NOL4: variants seen among roughly 807,000 people sequenced by gnomAD.
NOL4 encodes the protein cancer/testis antigen 125.
NOL4 carries 17 observed loss-of-function variants against 75.9 expected under a neutral mutation model. That is an observed-to-expected ratio of 0.22 (90% CI 0.15 to 0.34). The LOEUF is 0.34. Among genes scored for constraint, NOL4 ranks in the 10% least tolerant of loss-of-function variants. The pLI, the probability that NOL4 is intolerant of heterozygous loss-of-function variation, is 1.00. For synonymous variants in NOL4, 292 were observed against 289.9 expected (o/e 1.01, Z -0.07); for missense variants, 614 against 793.5 (o/e 0.77, Z 2.72).
chr18:33,872,106 T>C (rs1379380176), intron 10 of NOL4, among the ~76,000 whole-genome samples: 2 of 152,058 alleles, frequency 1.3e-5, no homozygotes, highest in Admixed American at 6.6e-5. Flanking sequence ...AATTAAATTA[T>C]AGGTCATTAT....
chr18:34,183,307 C>T (rs539435792), intron 1 of NOL4, among the ~76,000 whole-genome samples: 1 of 151,848 alleles, frequency 6.6e-6, no homozygotes, highest in Admixed American at 6.6e-5. Flanking sequence ...TTCAATAGCC[C>T]TATTCATGAG....
intron 1 of NOL4, among the ~76,000 whole-genome samples, chr18:34,207,671 G>T (rs942988767): frequency 6.6e-6 from 1 of 152,074 alleles, no homozygotes; most frequent in Non-Finnish European, 1.5e-5. Context: ...TTTTTCTGAT[G>T]TTTCTTGCCT....
intron 1 of NOL4, among the ~76,000 whole-genome samples, chr18:34,218,223 A>C (rs2037050759): frequency 6.6e-6 from 1 of 152,126 alleles, no homozygotes; most frequent in Non-Finnish European, 1.5e-5. Context: ...ATATGCCTGT[A>C]TTTTCTACTT....
intron 6 of NOL4, among the ~76,000 whole-genome samples, chr18:34,003,453 A>C (rs1048068939): frequency 6.6e-6 from 1 of 152,100 alleles, no homozygotes; most frequent in African/African-American, 2.4e-5. Context: ...CAAATCTAAC[A>C]CTTTGATTAT....
At chr18:33,969,991 G>A (rs549989750) in intron 6 of NOL4, among the ~76,000 whole-genome samples, 7 of 152,166 alleles carry the variant, frequency 4.6e-5, no homozygotes, top group African/African-American at 7.2e-5. Context: ...TTTGTCATGC[G>A]TTGAAATCGC....
rs1555673331 is a variant in NOL4, at chr18:33,958,270, C to A, written c.1205G>T (p.Gly402Val). Reference sequence around the variant, plus strand: ...AGCTTTCAGCCGCTCGGCTTCAACGCCGTCTGTCTCATTAACTTTCTCCGA... The same window carrying A: ...AGCTTTCAGCCGCTCGGCTTCAACGACGTCTGTCTCATTAACTTTCTCCGA... ...DDSEKVNETD[G>V]VEAERLKAFN... Residue 402 changes from glycine to valine, a missense_variant, in exon 7 of 11, where the codon GGC becomes GTC. Transcript: ENST00000261592. 6.2e-7 allele frequency: 1 copy of A among 1,613,712 alleles called. No homozygotes were observed. Among genetic ancestry groups the A allele is most frequent in the Non-Finnish European group, 8.5e-7 (1 of 1,179,720 alleles).
At chr18:33,879,349 A>G (rs1317782806) in intron 10 of NOL4, among the ~76,000 whole-genome samples, 1 of 152,070 alleles carries the variant, frequency 6.6e-6, no homozygotes, top group Non-Finnish European at 1.5e-5. Context: ...ACTTTTCACT[A>G]CCTGGAGATC....
At chr18:34,008,371 GTCTATCTATCTA>G (rs10656153) in intron 6 of NOL4, among the ~76,000 whole-genome samples, 236 of 147,682 alleles carry the variant, frequency 1.6e-3, no homozygotes, top group African/African-American at 4.5e-3. Flanking sequence ...CTATCTGTCT[GTCTATCTATCTA>G]TCTATCTATC....
chr18:34,114,933 T>G (rs1364156826), intron 2 of NOL4, among the ~76,000 whole-genome samples: 1 of 152,212 alleles, frequency 6.6e-6, no homozygotes, highest in East Asian at 1.9e-4. Flanking sequence ...AATTCAGTGT[T>G]TGTTAAACTA....
intron 1 of NOL4, among the ~76,000 whole-genome samples, chr18:34,174,936 AT>A (rs540088749): frequency 2.6e-3 from 390 of 152,204 alleles, no homozygotes; most frequent in African/African-American, 9.0e-3. Flanking sequence ...ACTGATGGAC[AT>A]TTGGGTTGGT....
intron 5 of NOL4, among the ~76,000 whole-genome samples, chr18:34,042,700 T>TC (rs2076192705): frequency 6.6e-6 from 1 of 152,004 alleles, no homozygotes; most frequent in African/African-American, 2.4e-5. Flanking sequence ...TTCCTTTAAT[T>TC]CCCCAAACAA....
chr18:33,871,377 T>G (rs887571146), intron 10 of NOL4, among the ~76,000 whole-genome samples: 3 of 151,912 alleles, frequency 2.0e-5, no homozygotes, highest in Admixed American at 6.6e-5. Flanking sequence ...ATGTGGACAA[T>G]GGCTGGCTCA....
intron 5 of NOL4, among the ~76,000 whole-genome samples, chr18:34,034,254 A>T (rs1456710105): frequency 6.6e-6 from 1 of 151,696 alleles, no homozygotes; most frequent in Non-Finnish European, 1.5e-5. Context: ...GCATGACAGG[A>T]ACAAAATCTC....
chr18:33,854,006 G>A (rs1206306621), intron 10 of NOL4, among the ~76,000 whole-genome samples: 1 of 152,060 alleles, frequency 6.6e-6, no homozygotes, highest in African/African-American at 2.4e-5. Context: ...AGCATTTACT[G>A]TAGTTATTAA....
rs564986308 is a variant in NOL4 at position 34,050,722 on chromosome 18, T to C, written c.773-31121A>G. On this transcript the variant is annotated intron_variant, in intron 5 of 10. Coordinates refer to ENST00000261592, the MANE Select transcript of NOL4 (RefSeq NM_003787.5). ...ATTTTTCAACATAATATTCAGCAGA[T>C]CTGGTAAATTAAAACAATATGTTTG... Among the ~76,000 whole-genome samples, 4 of 152,234 alleles carry C rather than the reference T, an allele frequency of 2.6e-5. No individual in the cohort carries two copies. The South Asian group carries it at 6.2e-4, about 24-fold the overall frequency.
At chr18:33,920,138 G>A (rs1367348067) in intron 9 of NOL4, among the ~76,000 whole-genome samples, 1 of 151,984 alleles carries the variant, frequency 6.6e-6, no homozygotes, top group Admixed American at 6.6e-5. Flanking sequence ...TTGTATAAGA[G>A]TTTTTATATA....
intron 9 of NOL4, among the ~76,000 whole-genome samples, chr18:33,938,954 T>C (rs2068264408): frequency 6.6e-6 from 1 of 152,166 alleles, no homozygotes; most frequent in South Asian, 2.1e-4. Flanking sequence ...AATTTTTGTA[T>C]AAGGTGTAAG....
At chr18:33,960,437 A>T (rs1297830832) in intron 6 of NOL4, among the ~76,000 whole-genome samples, 1 of 152,126 alleles carries the variant, frequency 6.6e-6, no homozygotes, top group Non-Finnish European at 1.5e-5. Context: ...GCAATAACAT[A>T]CAACTTTTAA....
chr18:34,010,431 T>C (rs1320305865), intron 6 of NOL4, among the ~76,000 whole-genome samples: 1 of 151,918 alleles, frequency 6.6e-6, no homozygotes, highest in Non-Finnish European at 1.5e-5. Context: ...TTCCAAATCT[T>C]AGCAACTGTG....
Sources: allele counts gnomAD v4.1 joint callset (sites outside exome capture counted in the v4.1 genomes callset), GRCh38; gene constraint gnomAD v4.1.1; transcripts MANE v1.5; gene names NCBI Gene and HGNC (gene_info 2026-07-23, HGNC 2026-07-21).